The following LRRTM4 variants were observed in gnomAD, a reference collection of about 807,000 sequenced individuals.
LRRTM4 encodes the protein leucine rich repeat transmembrane neuronal 4, also known as leucine-rich repeat transmembrane neuronal protein 4.
LRRTM4 carries 25 observed loss-of-function variants against 47.6 expected under a neutral mutation model. The observed-to-expected ratio is 0.53, with a 90% CI of 0.38 to 0.73. The LOEUF (loss-of-function observed/expected upper bound fraction) is 0.73. LRRTM4 is among the 30% of genes least tolerant of loss of function. LRRTM4 has a pLI of 0.00. For missense variants in LRRTM4, 638 were observed against 713.4 expected, an observed-to-expected ratio of 0.89 and a Z score of 1.20; for synonymous variants, 311 against 269.5, an observed-to-expected ratio of 1.15 and a Z score of -1.51.
At chr2:76,765,483 C>T (rs567493242) in intron 3 of LRRTM4, among the ~76,000 whole-genome samples, 12 of 152,220 alleles carry the variant, frequency 7.9e-5, no homozygotes, top group Admixed American at 3.9e-4. Context: ...GAGATAGGGC[C>T]TCTAAGGTAG....
At chr2:76,808,422 A>C (rs576088021) in intron 3 of LRRTM4, among the ~76,000 whole-genome samples, 5 of 146,154 alleles carry the variant, frequency 3.4e-5, no homozygotes, top group Non-Finnish European at 4.4e-5. Flanking sequence ...ACTGCATTGA[A>C]AATATATATA....
intron 3 of LRRTM4, among the ~76,000 whole-genome samples, chr2:76,875,721 T>C (rs1033179255): frequency 1.3e-5 from 2 of 152,206 alleles, no homozygotes. Flanking sequence ...GGAGTCATTC[T>C]TAATATAGAA....
intron 3 of LRRTM4, among the ~76,000 whole-genome samples, chr2:77,066,985 A>C (rs1023248165): frequency 1.3e-5 from 2 of 152,138 alleles, no homozygotes; most frequent in Admixed American, 6.5e-5. Flanking sequence ...GAAGTGCCAA[A>C]CTCCAAATTT....
chr2:77,169,002 GA>G (rs1299614204), intron 3 of LRRTM4, among the ~76,000 whole-genome samples: 3 of 152,048 alleles, frequency 2.0e-5, no homozygotes, highest in African/African-American at 7.2e-5. Context: ...AACATATCCA[GA>G]AAAGCATTTG....
chr2:76,906,740 G>C (rs533098805), intron 3 of LRRTM4, among the ~76,000 whole-genome samples: 42 of 151,440 alleles, frequency 2.8e-4, no homozygotes, highest in African/African-American at 9.2e-4. Flanking sequence ...AAGATCAAAA[G>C]AGACAAAGAA....
chr2:77,096,360 G>A (rs1216325449), intron 3 of LRRTM4, among the ~76,000 whole-genome samples: 1 of 151,492 alleles, frequency 6.6e-6, no homozygotes, highest in African/African-American at 2.4e-5. Flanking sequence ...CAAACAAAAG[G>A]AGCTTACTAC....
chr2:77,462,165 T>C (rs1645811250), intron 3 of LRRTM4, among the ~76,000 whole-genome samples: 1 of 152,110 alleles, frequency 6.6e-6, no homozygotes, highest in South Asian at 2.1e-4. Flanking sequence ...TGCCCTATTG[T>C]AATGGTCAGT....
At chr2:77,369,192 G>A (rs1307068435) in intron 3 of LRRTM4, among the ~76,000 whole-genome samples, 1 of 151,588 alleles carries the variant, frequency 6.6e-6, no homozygotes, top group Non-Finnish European at 1.5e-5. Context: ...ATATGGTTTT[G>A]TGTTTTCTCA....
chr2:77,477,455 C>T (rs1415214462), intron 3 of LRRTM4, among the ~76,000 whole-genome samples: 1 of 152,038 alleles, frequency 6.6e-6, no homozygotes, highest in African/African-American at 2.4e-5. Context: ...AAATTATGTT[C>T]CATTTATCTT....
intron 3 of LRRTM4, among the ~76,000 whole-genome samples, chr2:77,318,039 C>G (rs1030420896): frequency 7.4e-6 from 1 of 135,678 alleles, no homozygotes; most frequent in African/African-American, 2.9e-5. Context: ...CGGAGTCTCG[C>G]TCTGTCGCCC....
At chr2:77,206,418 C>A (rs1253149375) in intron 3 of LRRTM4, among the ~76,000 whole-genome samples, 2 of 151,854 alleles carry the variant, frequency 1.3e-5, no homozygotes, top group African/African-American at 4.8e-5. Context: ...CTCCTGACCT[C>A]AAGTGATCCA....
At chr2:76,789,678 A>G (rs767118867) in intron 3 of LRRTM4, among the ~76,000 whole-genome samples, 2 of 152,124 alleles carry the variant, frequency 1.3e-5, no homozygotes, top group Non-Finnish European at 2.9e-5. Context: ...TTTCACAATC[A>G]TGGAAAGACT....
chr2:77,355,454 A>G (rs1244159605), intron 3 of LRRTM4, among the ~76,000 whole-genome samples: 3 of 152,172 alleles, frequency 2.0e-5, no homozygotes, highest in African/African-American at 7.2e-5. Flanking sequence ...TTCCTATGCC[A>G]AAATGATTCA....
At chr2:77,219,788 T>C (rs567330298) in intron 3 of LRRTM4, among the ~76,000 whole-genome samples, 1 of 152,246 alleles carries the variant, frequency 6.6e-6, no homozygotes, top group South Asian at 2.1e-4. Flanking sequence ...GGGCAGGGCA[T>C]AGACAATCAA....
At chr2:76,933,685 A>G (rs886973028) in intron 3 of LRRTM4, among the ~76,000 whole-genome samples, 1 of 152,140 alleles carries the variant, frequency 6.6e-6, no homozygotes, top group Non-Finnish European at 1.5e-5. Flanking sequence ...GCTGCCAGAT[A>G]ACTCTATTCT....
rs543348059 is a variant in LRRTM4 at position 77,027,915 on chromosome 2, A to G, written c.1552-278999T>C. On this transcript the variant is annotated intron_variant, in intron 3 of 3. Transcript: ENST00000409884. ...GCAATACTGCTTAAAGCCAGAATGA[A>G]AATTATCAACAGAATTAATGGTGAA... Among the ~76,000 whole-genome samples, 16 of 152,108 alleles carry G rather than the reference A, an allele frequency of 1.1e-4. No individual in the cohort carries two copies. In the South Asian group the frequency reaches 3.3e-3, roughly 32 times the overall value.
chr2:77,008,839 T>A lies in LRRTM4; in HGVS notation c.1552-259923A>T, dbSNP rs552729054. On this transcript the variant is annotated intron_variant, in intron 3 of 3. Transcript: ENST00000409884. Reference sequence around the variant, plus strand: ...TTTCTAGTAGCTTATTACTTTTTCCTTGTAGGATTCACTGTTTCTGACTGG... The same window carrying A: ...TTTCTAGTAGCTTATTACTTTTTCCATGTAGGATTCACTGTTTCTGACTGG... Among the ~76,000 whole-genome samples, 5 of 152,126 alleles carry A rather than the reference T, an allele frequency of 3.3e-5. No homozygotes were observed. The South Asian group carries it at 1.0e-3, about 32-fold the overall frequency.
intron 3 of LRRTM4, among the ~76,000 whole-genome samples, chr2:77,499,260 GTCAATAGTTTAAAACCT>G (rs1185578665): frequency 2.6e-4 from 39 of 151,902 alleles, no homozygotes; most frequent in Non-Finnish European, 1.5e-5. Flanking sequence ...GGTCCGAAAT[GTCAATAGTTTAAAACCT>G]TTAATAGATG....
intron 3 of LRRTM4, among the ~76,000 whole-genome samples, chr2:76,841,222 C>G (rs529588975): frequency 1.8e-4 from 27 of 147,888 alleles, no homozygotes; most frequent in Admixed American, 1.5e-3. Context: ...GGGAATTGAA[C>G]AATGAGAACA....
Sources: allele counts gnomAD v4.1 joint callset (sites outside exome capture counted in the v4.1 genomes callset), GRCh38; gene constraint gnomAD v4.1.1; transcripts MANE v1.5; gene names NCBI Gene and HGNC (gene_info 2026-07-23, HGNC 2026-07-21).